Variants in SLC25A30 observed in about 807,000 individuals in gnomAD.
SLC25A30 encodes solute carrier family 25 member 30, also known as kidney mitochondrial carrier protein 1.
SLC25A30 carries 29 observed loss-of-function variants against 42.7 expected under a neutral mutation model. The ratio of observed to expected loss-of-function variants is 0.68; its 90% CI spans 0.51 to 0.93. The LOEUF (loss-of-function observed/expected upper bound fraction) is 0.93. SLC25A30 is among the 40% of genes least tolerant of loss of function. The pLI is 0.00. For synonymous variants in SLC25A30, 124 were observed against 131.0 expected (o/e 0.95, Z 0.37); for missense variants, 300 against 359.7 (o/e 0.83, Z 1.34).
At chr13:45,417,334 A>C (rs1237889331) in intron 1 of SLC25A30, among the ~76,000 whole-genome samples, 3 of 152,144 alleles carry the variant, frequency 2.0e-5, no homozygotes, top group Non-Finnish European at 4.4e-5. Flanking sequence ...AATTCTTGGT[A>C]AGTTCTTTCA....
intron 1 of SLC25A30, among the ~76,000 whole-genome samples, chr13:45,413,069 A>AC (rs1489179979): frequency 6.6e-6 from 1 of 151,994 alleles, no homozygotes; most frequent in Admixed American, 6.6e-5. Flanking sequence ...CAACACTAGG[A>AC]CCCCCCATCG....
rs1465819196 is a variant in SLC25A30, at chr13:45,409,047, G to C, written c.92C>G (p.Thr31Arg). The change falls in exon 3 of 10, where the codon ACA becomes AGA. Residue 31 changes from threonine to arginine, a missense_variant. Thr to Arg is a moderately conservative substitution (Grantham distance 71, BLOSUM62 -1). Transcript: ENST00000519676. ...CGTFPIDLTK[T>R]RLQIQGQTND... ...CGTCTGGCCTTGAATCTGGAGCCGT[G>C]TCTTGGTTAAATCAATTGGAAATGT... 6.2e-7 allele frequency: 1 copy of C among 1,608,822 alleles called. No homozygotes were observed. The highest frequency in any genetic ancestry group is 1.7e-5 in the Admixed American group (1 of 58,568).
chr13:45,399,087 A>T lies in SLC25A30; in HGVS notation c.615-9T>A, dbSNP rs761240309. The T allele has an allele frequency of 2.5e-6, 4 of 1,569,098 alleles. No homozygotes were observed. Among genetic ancestry groups the T allele is most frequent in the Non-Finnish European group, 1.7e-6 (2 of 1,163,432 alleles). On this transcript the variant is annotated splice_polypyrimidine_tract_variant and intron_variant, in intron 7 of 9. Transcript: ENST00000519676. Reference sequence around the variant, plus strand: ...CACAGGTGAAGCTTGAGCTATAAAGACACCATTGGAAAAAAAAAAAAAAGT... The same window carrying T: ...CACAGGTGAAGCTTGAGCTATAAAGTCACCATTGGAAAAAAAAAAAAAAGT...
chr13:45,410,628 A>G (rs774335682), intron 2 of SLC25A30, among the ~76,000 whole-genome samples: 5 of 152,262 alleles, frequency 3.3e-5, no homozygotes, highest in African/African-American at 7.2e-5. Context: ...CCTGGGCAAC[A>G]TGGCAAAACT....
chr13:45,401,705 A>G (rs1881997866), intron 6 of SLC25A30, among the ~76,000 whole-genome samples: 1 of 152,100 alleles, frequency 6.6e-6, no homozygotes, highest in Non-Finnish European at 1.5e-5. Flanking sequence ...AACAACAACA[A>G]AAAAAGTGCT....
Position 45,394,560 on chromosome 13 carries a change from G to A in SLC25A30, c.*1414C>T. 1.0e-6 allele frequency: 1 copy of A among 985,358 alleles called. No homozygotes were observed. The highest frequency in any genetic ancestry group is 1.2e-6 in the Non-Finnish European group (1 of 829,934). 61.0% of individuals were successfully genotyped at this position (985,358 alleles called of 1,614,324 possible). The stretch of plus-strand genomic sequence containing the variant: ...CCCAAATAAATATGTTCCCTGTCCT[G>A]TGGCTGCCTCCCAGAAGTGGAAGTT... On this transcript the variant is annotated 3_prime_UTR_variant, in exon 10 of 10. Coordinates refer to ENST00000519676, the MANE Select transcript of SLC25A30 (RefSeq NM_001010875.4).
chr13:45,395,053 C>T lies in SLC25A30; in HGVS notation c.*921G>A. ...CCCATGAGAACATGCCCCTCTTCTA[C>T]ATAGACTGTTTAGAGCTGTTCCACA... On this transcript the variant is annotated 3_prime_UTR_variant, in exon 10 of 10. Coordinates refer to ENST00000519676, the MANE Select transcript of SLC25A30 (RefSeq NM_001010875.4). 1.0e-6 allele frequency: 1 copy of T among 985,450 alleles called. No individual in the cohort carries two copies. Among genetic ancestry groups the T allele is most frequent in the South Asian group, 4.7e-5 (1 of 21,292 alleles). The allele number at this position is 985,450 out of a possible 1,614,324, so 61.0% of individuals were successfully genotyped here. A position where few individuals can be genotyped will look rare whatever the true frequency, so the allele number is the denominator to read the frequency against.
intron 1 of SLC25A30, among the ~76,000 whole-genome samples, chr13:45,414,619 A>AAC (rs772452713): frequency 6.1e-4 from 67 of 110,448 alleles, no homozygotes; most frequent in African/African-American, 1.7e-3. Context: ...CTTTGTCTCA[A>AAC]ACACACACAC....
At position 45,393,916 on chromosome 13, in the gene SLC25A30, C is replaced by T. The variant is rs1327273049; in HGVS notation, c.*2058G>A. ...AATACTGTCTGACATTCGCTCTTTA[C>T]ATGGTCATTAAAATGAATTTGCTTC... On this transcript the variant is annotated 3_prime_UTR_variant, in exon 10 of 10. Transcript: ENST00000519676. 2 of 985,142 alleles carry T rather than the reference C, an allele frequency of 2.0e-6. No homozygotes were observed. Among genetic ancestry groups the T allele is most frequent in the East Asian group, 2.3e-4 (2 of 8,820 alleles). The allele number at this position is 985,142 out of a possible 1,614,324, so 61.0% of individuals were successfully genotyped here.
the SLC25A30 span, among the ~76,000 whole-genome samples, chr13:45,431,760 C>T: frequency 1.1e-4 from 16 of 152,100 alleles, no homozygotes; most frequent in Admixed American, 9.8e-4. Flanking sequence ...CTATTTGACA[C>T]CTTCTCTTAG....
intron 3 of SLC25A30, 74 bp from the exon 4 acceptor site, chr13:45,406,051 G>C: frequency 7.4e-7 from 1 of 1,342,864 alleles, no homozygotes; most frequent in Non-Finnish European, 1.1e-6. Flanking sequence ...CCCACATGCA[G>C]AGTGCCATCC....
chr13:45,424,883 A>T, the SLC25A30 span, among the ~76,000 whole-genome samples: 15 of 57,682 alleles, frequency 2.6e-4, no homozygotes, highest in East Asian at 6.3e-3. Flanking sequence ...TAAATATATA[A>T]ATATATATTT....
the SLC25A30 span, among the ~76,000 whole-genome samples, chr13:45,425,639 AAT>A: frequency 1.6e-4 from 10 of 61,348 alleles, 2 homozygotes; most frequent in Non-Finnish European, 2.8e-4. Context: ...AGTATATATA[AAT>A]ATATATATAA....
Position 45,411,473 on chromosome 13 carries a change from T to C in SLC25A30, c.-48A>G. 1 of 1,590,528 alleles carries C rather than the reference T, an allele frequency of 6.3e-7. No individual in the cohort carries two copies. The highest frequency in any genetic ancestry group is 8.6e-7 in the Non-Finnish European group (1 of 1,159,670). On this transcript the variant is annotated 5_prime_UTR_variant, in exon 2 of 10. Coordinates refer to ENST00000519676, the MANE Select transcript of SLC25A30 (RefSeq NM_001010875.4). Reference sequence around the variant, plus strand: ...TTTATAGAAACATTGCCTCCAGTGCTGTTTTTCCTGGACACAACAATAAGA... The same window carrying C: ...TTTATAGAAACATTGCCTCCAGTGCCGTTTTTCCTGGACACAACAATAAGA...
In SLC25A30 at chr13:45,395,847, T is replaced by C; in HGVS notation, c.*127A>G. ...CACAGCAATCTCAACTAACCCAGTCTTCATCTGTTGCTCACATCCCAGAAT... is the reference window on the plus strand; with the variant it reads ...CACAGCAATCTCAACTAACCCAGTCCTCATCTGTTGCTCACATCCCAGAAT... On this transcript the variant is annotated 3_prime_UTR_variant, in exon 10 of 10. Coordinates refer to ENST00000519676, the MANE Select transcript of SLC25A30 (RefSeq NM_001010875.4). The C allele has an allele frequency of 1.3e-6, 2 of 1,591,750 alleles. No homozygotes were observed. The highest frequency in any genetic ancestry group is 1.7e-6 in the Non-Finnish European group (2 of 1,169,466).
Position 45,396,024 on chromosome 13 carries a change from A to G in SLC25A30, c.835-9T>C. ...TCGTATGTCACAAAGAACTGTGGTT[A>G]TGGGTTAAGGATGACACAGAAAATG... On this transcript the variant is annotated splice_polypyrimidine_tract_variant and intron_variant, in intron 9 of 9. Transcript: ENST00000519676. The G allele has an allele frequency of 6.2e-7, 1 of 1,614,218 alleles. No individual in the cohort carries two copies.
chr13:45,427,402 A>T, the SLC25A30 span, among the ~76,000 whole-genome samples: 1 of 146,378 alleles, frequency 6.8e-6, no homozygotes, highest in East Asian at 1.9e-4. Flanking sequence ...AACTTGGTCC[A>T]TACACCTGGA....
chr13:45,432,811 T>C, the SLC25A30 span, among the ~76,000 whole-genome samples: 1 of 151,412 alleles, frequency 6.6e-6, no homozygotes, highest in Admixed American at 6.6e-5. Flanking sequence ...GGCAGATCGC[T>C]TGAGCTCAGG....
At chr13:45,432,739 T>TA in the SLC25A30 span, among the ~76,000 whole-genome samples, 149 of 145,668 alleles carry the variant, frequency 1.0e-3, 2 homozygotes, top group Non-Finnish European at 7.7e-4. Flanking sequence ...TTCAGCATGT[T>TA]AAAAAAAAAA....
Sources: allele counts gnomAD v4.1 joint callset (sites outside exome capture counted in the v4.1 genomes callset), GRCh38; gene constraint gnomAD v4.1.1; transcripts MANE v1.5; gene names NCBI Gene and HGNC (gene_info 2026-07-23, HGNC 2026-07-21).